The following CDH18 variants were observed in gnomAD, a reference collection of about 807,000 sequenced individuals.
CDH18 encodes cadherin 18.
Under a neutral mutation model 67.9 loss-of-function variants are expected in CDH18, and 31 were observed. The ratio of observed to expected loss-of-function variants is 0.46; its 90% CI spans 0.34 to 0.62. The LOEUF (loss-of-function observed/expected upper bound fraction) is 0.62, where lower values mean the gene tolerates loss of function less well. Among genes scored for constraint, CDH18 ranks in the 20% least tolerant of loss-of-function variants. The pLI, the probability that CDH18 is intolerant of heterozygous loss-of-function variation, is 0.01. For missense variants in CDH18, 890 were observed against 975.5 expected (o/e 0.91, Z 1.17); for synonymous variants, 362 against 347.2 (o/e 1.04, Z -0.48).
At chr5:20,100,407 C>A (rs1746353505) in intron 2 of CDH18, among the ~76,000 whole-genome samples, 1 of 151,966 alleles carries the variant, frequency 6.6e-6, no homozygotes, top group Non-Finnish European at 1.5e-5. Flanking sequence ...AATTTTGGGT[C>A]CCTTGTATTA....
intron 2 of CDH18, among the ~76,000 whole-genome samples, chr5:20,099,267 G>A (rs372551213): frequency 1.3e-5 from 2 of 152,196 alleles, no homozygotes; most frequent in South Asian, 4.2e-4. Context: ...TTGGGTGATT[G>A]TAGGGATTAA....
At chr5:20,034,445 G>A (rs1739662726) in intron 2 of CDH18, among the ~76,000 whole-genome samples, 2 of 152,006 alleles carry the variant, frequency 1.3e-5, no homozygotes, top group African/African-American at 4.8e-5. Context: ...GGGCCACACT[G>A]TGCCCAGATA....
In CDH18 at chr5:19,747,148, G is replaced by C; in HGVS notation, c.317C>G (p.Thr106Ser). Reference sequence around the variant, plus strand: ...TTTTGTTGAGTGGATATCACCCGTGGTATCGTCAATGATAAATATAGTCCC... The same window carrying C: ...TTTTGTTGAGTGGATATCACCCGTGCTATCGTCAATGATAAATATAGTCCC... ...GAGTIFIIDDTTGDIHSTKSL... is the reference protein window; with the variant it reads ...GAGTIFIIDDSTGDIHSTKSL... Residue 106 changes from threonine to serine, a missense_variant, in exon 4 of 13, where the codon ACC becomes AGC. Physicochemically the swap from Thr to Ser is moderately conservative, Grantham distance 58. This residue lies in a region of CDH18 where 234 missense variants were observed against 307.4 expected (regional missense o/e 0.76). Transcript: ENST00000382275. 6.2e-7 allele frequency: 1 copy of C among 1,612,316 alleles called. No individual in the cohort carries two copies. The highest frequency in any genetic ancestry group is 8.5e-7 in the Non-Finnish European group (1 of 1,178,350).
At chr5:19,569,729 G>A (rs935786014) in intron 8 of CDH18, among the ~76,000 whole-genome samples, 6 of 152,130 alleles carry the variant, frequency 3.9e-5, no homozygotes, top group Admixed American at 3.9e-4. Flanking sequence ...GTACATATTG[G>A]TACCCACTGG....
intron 4 of CDH18, among the ~76,000 whole-genome samples, chr5:19,740,017 T>C (rs908777409): frequency 1.3e-5 from 2 of 152,160 alleles, no homozygotes; most frequent in African/African-American, 4.8e-5. Flanking sequence ...ATTAGAGATG[T>C]TTCAATACAT....
chr5:19,499,763 G>A (rs990072724), intron 11 of CDH18, among the ~76,000 whole-genome samples: 1 of 151,480 alleles, frequency 6.6e-6, no homozygotes, highest in Non-Finnish European at 1.5e-5. Flanking sequence ...TAAATTTTTG[G>A]TTCTCAGGCT....
At chr5:19,560,945 A>G (rs1455501847) in intron 8 of CDH18, among the ~76,000 whole-genome samples, 1 of 152,232 alleles carries the variant, frequency 6.6e-6, no homozygotes, top group Admixed American at 6.5e-5. Context: ...CTGCAAATCA[A>G]AATCACAATG....
chr5:20,075,172 T>C (rs1743816932), intron 2 of CDH18, among the ~76,000 whole-genome samples: 1 of 152,142 alleles, frequency 6.6e-6, no homozygotes, highest in Non-Finnish European at 1.5e-5. Context: ...CAATAACTCT[T>C]TGGGTCCTTG....
intron 1 of CDH18, among the ~76,000 whole-genome samples, chr5:20,327,297 C>G (rs959131426): frequency 6.6e-6 from 1 of 152,166 alleles, no homozygotes; most frequent in Non-Finnish European, 1.5e-5. Context: ...TTCCTCTACT[C>G]TCTCTTGCTT....
intron 1 of CDH18, among the ~76,000 whole-genome samples, chr5:20,535,667 G>A (rs564313062): frequency 6.6e-6 from 1 of 152,150 alleles, no homozygotes; most frequent in Admixed American, 6.5e-5. Flanking sequence ...CTCCCTCCCG[G>A]CTGCTGGGAT....
chr5:20,360,704 A>G (rs768109025), intron 1 of CDH18, among the ~76,000 whole-genome samples: 1 of 152,214 alleles, frequency 6.6e-6, no homozygotes, highest in Non-Finnish European at 1.5e-5. Flanking sequence ...TCATACTTCT[A>G]TCAGTCAGTA....
At chr5:19,800,612 T>C (rs1257573490) in intron 3 of CDH18, among the ~76,000 whole-genome samples, 1 of 152,066 alleles carries the variant, frequency 6.6e-6, no homozygotes, top group Non-Finnish European at 1.5e-5. Flanking sequence ...GGAAGAACTA[T>C]AAAATTAAAG....
intron 2 of CDH18, among the ~76,000 whole-genome samples, chr5:20,174,595 C>G (rs1737087878): frequency 6.6e-6 from 1 of 152,022 alleles, no homozygotes; most frequent in Non-Finnish European, 1.5e-5. Flanking sequence ...TAATTTAAAG[C>G]CTTGAGAAAA....
chr5:20,256,919 G>A (rs530148007), intron 1 of CDH18, among the ~76,000 whole-genome samples: 1 of 135,986 alleles, frequency 7.4e-6, no homozygotes, highest in South Asian at 2.3e-4. Flanking sequence ...AACGAGATTT[G>A]TAGTAGCTTG....
At chr5:20,136,455 A>T (rs1679183344) in intron 2 of CDH18, among the ~76,000 whole-genome samples, 1 of 152,156 alleles carries the variant, frequency 6.6e-6, no homozygotes, top group Non-Finnish European at 1.5e-5. Flanking sequence ...ATCTTCTTCT[A>T]ACCCTTTATT....
chr5:19,696,484 C>T (rs930726013), intron 5 of CDH18, among the ~76,000 whole-genome samples: 4 of 151,402 alleles, frequency 2.6e-5, no homozygotes, highest in South Asian at 2.1e-4. Context: ...TGCAGTGAGC[C>T]GAGATTGATC....
intron 2 of CDH18, among the ~76,000 whole-genome samples, chr5:20,014,197 A>G (rs1437781786): frequency 6.6e-6 from 1 of 152,116 alleles, no homozygotes; most frequent in Non-Finnish European, 1.5e-5. Context: ...TATTTACAAG[A>G]AAAGTCTTTG....
chr5:19,949,417 C>G (rs958089352), intron 2 of CDH18, among the ~76,000 whole-genome samples: 1 of 152,022 alleles, frequency 6.6e-6, no homozygotes, highest in African/African-American at 2.4e-5. Flanking sequence ...TTTTAAAAAG[C>G]TTAACAATAT....
chr5:20,524,261 T>C (rs762457228), intron 1 of CDH18, among the ~76,000 whole-genome samples: 3 of 152,192 alleles, frequency 2.0e-5, no homozygotes, highest in Admixed American at 6.5e-5. Flanking sequence ...TTTAGACTTG[T>C]ATAAAATAGA....
Sources: gnomAD v4.1 joint callset for allele counts (sites outside exome capture counted in the v4.1 genomes callset) on GRCh38, gnomAD v4.1.1 for gene constraint, gnomAD v4.1.1 regional missense constraint, MANE v1.5 for transcripts, NCBI Gene and HGNC (gene_info 2026-07-23, HGNC 2026-07-21) for gene names.